The following CRACD variants were observed in gnomAD, a reference collection of about 807,000 sequenced individuals.
CRACD encodes capping protein inhibiting regulator of actin dynamics.
CRACD carries 56 observed loss-of-function variants against 106.8 expected under a neutral mutation model. The observed-to-expected ratio is 0.52, with a 90% CI of 0.42 to 0.66. The LOEUF is 0.66. Ranked by LOEUF, CRACD falls within the 30% of genes least tolerant of loss-of-function variation. The probability of loss-of-function intolerance (pLI) is 0.00; values close to 1 mark genes in which losing one functional copy is unlikely to be tolerated. For missense variants in CRACD, 1,730 were observed against 1,623.2 expected (o/e 1.07, Z -1.13); for synonymous variants, 754 against 670.8 (o/e 1.12, Z -1.92).
intron 2 of CRACD, among the ~76,000 whole-genome samples, chr4:56,223,956 G>A (rs1739173933): frequency 6.6e-6 from 1 of 151,944 alleles, no homozygotes; most frequent in Admixed American, 6.6e-5. Flanking sequence ...ACAGGGTCTT[G>A]CTACATTGCC....
At chr4:56,129,301 C>CA in intron 1 of CRACD, among the ~76,000 whole-genome samples, 3 of 152,292 alleles carry the variant, frequency 2.0e-5, no homozygotes, top group African/African-American at 7.2e-5. Context: ...TTTCTGGGCT[C>CA]AAGTGATCCT....
chr4:56,210,760 T>C (rs186033276), intron 2 of CRACD, among the ~76,000 whole-genome samples: 20 of 152,320 alleles, frequency 1.3e-4, no homozygotes, highest in Non-Finnish European at 2.2e-4. Context: ...AGATTGCCAG[T>C]TAGATGAGTT....
At chr4:56,318,923 A>G (rs1577912792) in intron 8 of CRACD, among the ~76,000 whole-genome samples, 2 of 152,334 alleles carry the variant, frequency 1.3e-5, no homozygotes, top group African/African-American at 4.8e-5. Context: ...ATTGCAAGTC[A>G]TGGTGCTATT....
At chr4:56,262,577 G>A (rs528704225) in intron 2 of CRACD, among the ~76,000 whole-genome samples, 3 of 152,140 alleles carry the variant, frequency 2.0e-5, no homozygotes, top group Admixed American at 6.5e-5. Context: ...TGTGGCCCAA[G>A]GCAGTTCTTC....
intron 1 of CRACD, among the ~76,000 whole-genome samples, chr4:56,092,387 T>TG (rs1733451852): frequency 6.6e-6 from 1 of 152,196 alleles, no homozygotes; most frequent in Admixed American, 6.5e-5. Context: ...CCAGTACCAG[T>TG]GGCTGTTAGC....
At chr4:56,255,745 G>A (rs1741318066) in intron 2 of CRACD, among the ~76,000 whole-genome samples, 1 of 152,176 alleles carries the variant, frequency 6.6e-6, no homozygotes. Context: ...ATAAGTTGTT[G>A]CATCTGACCT....
rs145298166 is a variant in CRACD, at chr4:56,171,626, G to C, written c.-335-7658G>C. ...TGAGATGGTGGAGATAACAAGTATG[G>C]ACAATTTGCCACTGAAGTTTCACAA... On this transcript the variant is annotated intron_variant, in intron 1 of 10. Transcript: ENST00000682029. Among the ~76,000 whole-genome samples, 99 of 152,304 alleles carry C rather than the reference G, an allele frequency of 6.5e-4. 3 individuals carry two copies. In the East Asian group the frequency reaches 0.015, roughly 23 times the overall value.
chr4:56,182,052 C>T (rs1001053856), intron 2 of CRACD, among the ~76,000 whole-genome samples: 4 of 152,100 alleles, frequency 2.6e-5, no homozygotes, highest in Non-Finnish European at 5.9e-5. Flanking sequence ...TCAGAAAACT[C>T]AAATAACTTG....
At chr4:56,090,364 C>T (rs1046808543) in intron 1 of CRACD, among the ~76,000 whole-genome samples, 6 of 152,022 alleles carry the variant, frequency 3.9e-5, no homozygotes, top group Non-Finnish European at 5.9e-5. Context: ...CAGCTTGACC[C>T]GAGGCTGGGT....
chr4:56,275,193 T>G (rs1056496651), intron 3 of CRACD, among the ~76,000 whole-genome samples: 1 of 152,100 alleles, frequency 6.6e-6, no homozygotes, highest in Non-Finnish European at 1.5e-5. Context: ...AATACCTGGG[T>G]GATGAAATAA....
intron 1 of CRACD, among the ~76,000 whole-genome samples, chr4:56,055,303 C>A (rs1203490819): frequency 6.6e-6 from 1 of 151,838 alleles, no homozygotes; most frequent in African/African-American, 2.4e-5. Flanking sequence ...TTATTTAAAT[C>A]TAGGATAAGC....
At chr4:56,095,296 G>A (rs1733562829) in intron 1 of CRACD, among the ~76,000 whole-genome samples, 1 of 152,308 alleles carries the variant, frequency 6.6e-6, no homozygotes, top group South Asian at 2.1e-4. Context: ...GGGCTCTTCT[G>A]AACTAACATT....
chr4:56,210,699 C>G (rs913209010), intron 2 of CRACD, among the ~76,000 whole-genome samples: 1 of 152,208 alleles, frequency 6.6e-6, no homozygotes, highest in Non-Finnish European at 1.5e-5. Flanking sequence ...GATACCCTTA[C>G]AAATGAAGAT....
chr4:56,063,158 T>C (rs764535900), intron 1 of CRACD, among the ~76,000 whole-genome samples: 10 of 152,164 alleles, frequency 6.6e-5, no homozygotes, highest in Non-Finnish European at 1.3e-4. Context: ...GCTTATTAGA[T>C]CTGCATTTCT....
chr4:56,089,509 ATT>A (rs761380094), intron 1 of CRACD, among the ~76,000 whole-genome samples: 92 of 124,256 alleles, frequency 7.4e-4, no homozygotes, highest in African/African-American at 1.5e-3. Context: ...GTATTATAGG[ATT>A]TTTTTTTTTT....
chr4:56,247,797 G>C (rs1331839207), intron 2 of CRACD, among the ~76,000 whole-genome samples: 1 of 151,872 alleles, frequency 6.6e-6, no homozygotes, highest in Non-Finnish European at 1.5e-5. Flanking sequence ...AGCGAGCCAG[G>C]ATTGCACCAC....
At chr4:56,118,707 G>C (rs184014030) in intron 1 of CRACD, among the ~76,000 whole-genome samples, 4 of 151,972 alleles carry the variant, frequency 2.6e-5, no homozygotes, top group African/African-American at 9.7e-5. Flanking sequence ...ACTCAGCCTG[G>C]ACAACACAGT....
At chr4:56,306,914 T>C (rs1367199292) in intron 4 of CRACD, among the ~76,000 whole-genome samples, 1 of 152,188 alleles carries the variant, frequency 6.6e-6, no homozygotes, top group African/African-American at 2.4e-5. Flanking sequence ...GGTTTTAGTA[T>C]TGATCATGGA....
chr4:56,219,661 C>A (rs1738923849), intron 2 of CRACD, among the ~76,000 whole-genome samples: 1 of 152,122 alleles, frequency 6.6e-6, no homozygotes, highest in Admixed American at 6.5e-5. Context: ...CTGCTGAAAT[C>A]AATATTAGGA....
Sources: allele counts gnomAD v4.1 joint callset (sites outside exome capture counted in the v4.1 genomes callset), GRCh38; gene constraint gnomAD v4.1.1; transcripts MANE v1.5; gene names NCBI Gene and HGNC (gene_info 2026-07-23, HGNC 2026-07-21).